Variants in PDGFRB observed in about 807,000 individuals in gnomAD.
The protein encoded by PDGFRB is platelet-derived growth factor receptor beta.
Under a neutral mutation model 120.2 loss-of-function variants are expected in PDGFRB, and 42 were observed. The ratio of observed to expected loss-of-function variants is 0.35; its 90% CI spans 0.27 to 0.45. The LOEUF is 0.45. Among genes scored for constraint, PDGFRB ranks in the 20% least tolerant of loss-of-function variants. PDGFRB has a pLI of 1.00. For synonymous variants in PDGFRB, 586 were observed against 606.8 expected (o/e 0.97, Z 0.50); for missense variants, 1,149 against 1,476.3 (o/e 0.78, Z 3.63).
chr5:150,130,188 C>T lies in PDGFRB; in HGVS notation c.1368-220G>A, dbSNP rs76265567. Among the ~76,000 whole-genome samples the T allele has an allele frequency of 3.0e-4, 46 of 151,472 alleles. No homozygotes were observed. In the East Asian group the frequency reaches 8.3e-3, roughly 27 times the overall value. On this transcript the variant is annotated intron_variant, in intron 9 of 22. Transcript: ENST00000261799. ...GCAAAATCCATTCTTATTTGACCCA[C>T]GGGGTCACACGGCGTATGGGGTAGA...
intron 20 of PDGFRB, among the ~76,000 whole-genome samples, chr5:150,119,257 G>T (rs78511760): frequency 1.3e-5 from 2 of 152,294 alleles, no homozygotes; most frequent in East Asian, 3.9e-4. Flanking sequence ...GGCAATGCTG[G>T]CCTGAAAATG....
At position 150,133,736 on chromosome 5, in the gene PDGFRB, T is replaced by A. The variant is rs202093144; in HGVS notation, c.784A>T (p.Thr262Ser). 10 of 1,613,918 alleles carry A rather than the reference T, an allele frequency of 6.2e-6. No individual in the cohort carries two copies. Among genetic ancestry groups the A allele is most frequent in the African/African-American group, 1.3e-5 (1 of 74,858 alleles). The change falls in exon 6 of 23, where the codon ACT becomes TCT. Residue 262 changes from threonine (T) to serine (S), a missense_variant. Physicochemically the swap from Thr to Ser is moderately conservative, Grantham distance 58. This residue lies in a region of PDGFRB where 879 missense variants were observed against 1,108.6 expected (regional missense o/e 0.79). Transcript: ENST00000261799. Reference sequence around the variant, plus strand: ...TAAGGCATATCCAAGAGGAAGTCAGTCACCGGCTCCACCAGCCGCCCACTC... The same window carrying A: ...TAAGGCATATCCAAGAGGAAGTCAGACACCGGCTCCACCAGCCGCCCACTC... ...KESGRLVEPV[T>S]DFLLDMPYHI...
intron 22 of PDGFRB, among the ~76,000 whole-genome samples, 156 bp downstream of exon 22, chr5:150,117,462 G>C (rs1444964900): frequency 3.9e-5 from 6 of 152,052 alleles, no homozygotes; most frequent in Admixed American, 2.6e-4. Context: ...GTTCCATTCT[G>C]TCTTCTATTC....
At chr5:150,151,861 CAAAA>C (rs57873398) in intron 1 of PDGFRB, among the ~76,000 whole-genome samples, 13 of 74,380 alleles carry the variant, frequency 1.7e-4, no homozygotes, top group African/African-American at 4.9e-4. Context: ...GACTCCATCT[CAAAA>C]AAAAAAAAAA....
chr5:150,152,536 G>T (rs564669723), intron 1 of PDGFRB, among the ~76,000 whole-genome samples: 144 of 152,164 alleles, frequency 9.5e-4, no homozygotes, highest in Admixed American at 2.9e-3. Context: ...TCAAATGCAA[G>T]AAATGGGTGG....
rs2113888986 is a variant in PDGFRB, at chr5:150,120,991, G to A, written c.2483C>T (p.Ala828Val). Residue 828 changes from alanine (A) to valine (V), a missense_variant, in exon 18 of 23, where the codon GCG (alanine) becomes GTG (valine). Physicochemically the swap from Ala to Val is moderately conservative, Grantham distance 64. This residue lies in a region of PDGFRB where 68 missense variants were observed against 153.3 expected (regional missense o/e 0.44). Transcript: ENST00000261799. This position sits in a 1 kb window ranked among gnomAD's most constrained non-coding sequence, Gnocchi z 4.3. ...ASKNCVHRDLAARNVLICEGK... is the reference protein window; with the variant it reads ...ASKNCVHRDLVARNVLICEGK... ...TTCACAGATGAGCACGTTCCTAGCC[G>A]CCAGGTCTCTGTGGACGCACTGGGT... 1 of 1,613,840 alleles carries A rather than the reference G, an allele frequency of 6.2e-7. No homozygotes were observed. The highest frequency in any genetic ancestry group is 8.5e-7 in the Non-Finnish European group (1 of 1,179,746).
chr5:150,146,554 T>A (rs1760927892), intron 1 of PDGFRB, among the ~76,000 whole-genome samples: 1 of 152,128 alleles, frequency 6.6e-6, no homozygotes, highest in African/African-American at 2.4e-5. Context: ...TATTCTTTCT[T>A]TTTTTTAGAG....
chr5:150,154,746 C>G (rs1209469558), intron 1 of PDGFRB, among the ~76,000 whole-genome samples: 1 of 151,804 alleles, frequency 6.6e-6, no homozygotes, highest in Non-Finnish European at 1.5e-5. Context: ...CACAGAGGAG[C>G]CCCCAGATCT....
intron 21 of PDGFRB, 27 bp from the exon 22 acceptor site, chr5:150,117,877 G>A (rs2113884658): frequency 7.2e-7 from 1 of 1,386,378 alleles, no homozygotes; most frequent in Non-Finnish European, 1.0e-6. Context: ...GAGAACCAAA[G>A]AAACAGGGAT....
intron 10 of PDGFRB, among the ~76,000 whole-genome samples, chr5:150,128,712 T>C (rs1182992146): frequency 2.6e-5 from 4 of 152,374 alleles, no homozygotes; most frequent in Middle Eastern, 3.4e-3. Context: ...GTTCCTTTTC[T>C]AGAATACTTT....
intron 20 of PDGFRB, 21 bp from the exon 21 acceptor site, chr5:150,118,873 C>A: frequency 6.7e-7 from 1 of 1,499,274 alleles, no homozygotes; most frequent in South Asian, 1.1e-5. Context: ...GGAGAAGGGT[C>A]AGGGCCTCTG....
At chr5:150,154,043 A>T (rs1165039879) in intron 1 of PDGFRB, 2 of 152,192 alleles carry the variant, frequency 1.3e-5, no homozygotes, top group African/African-American at 4.8e-5. Context: ...GGGCCTGAAC[A>T]ATCTCTGATG....
At chr5:150,134,586 G>T in intron 4 of PDGFRB, 164 bp downstream of exon 4, 1 of 666,942 alleles carries the variant, frequency 1.5e-6, no homozygotes. Flanking sequence ...CTGCGCCTGA[G>T]TTTCCCTCTT....
chr5:150,124,939 T>G, intron 12 of PDGFRB, 108 bp from the exon 13 acceptor site: 1 of 552,472 alleles, frequency 1.8e-6, no homozygotes, highest in Non-Finnish European at 3.1e-6. Context: ...TCACCCTTCC[T>G]GCCCAGTGAG....
At position 150,130,504 on chromosome 5, in the gene PDGFRB, G is replaced by T; in HGVS notation, c.1367+35C>A. On this transcript the variant is annotated intron_variant, in intron 9 of 22. Transcript: ENST00000261799. ...TTCACGAGCTTTTTCTAGCCAGCTG[G>T]GGACACTGGGAGACTGAGGCCCAGG... is the stretch of plus-strand genomic sequence containing the variant. 3.7e-6 allele frequency: 6 copies of T among 1,602,450 alleles called. No individual in the cohort carries two copies. The South Asian group carries it at 6.7e-5, about 18-fold the overall frequency.
rs1465327575 is a variant in PDGFRB at position 150,132,820 on chromosome 5, C to G, written c.1057G>C (p.Asp353His). 16 of 1,612,498 alleles carry G rather than the reference C, an allele frequency of 9.9e-6. 1 individual carries two copies. The highest frequency in any genetic ancestry group is 1.3e-5 in the African/African-American group (1 of 75,068). The stretch of plus-strand genomic sequence containing the variant: ...CTGGAGTCGCCCAGGGTGCGGTTGT[C>G]TTTGAACCACAGGACAGTGGGCGGT... The part of the protein sequence containing the change: ...YPPPTVLWFK[D>H]NRTLGDSSAG... Residue 353 changes from aspartate to histidine, a missense_variant, in exon 7 of 23, where the codon GAC becomes CAC. Coordinates refer to ENST00000261799, the MANE Select transcript of PDGFRB (RefSeq NM_002609.4). This position sits in a 1 kb window ranked among gnomAD's most constrained non-coding sequence, Gnocchi z 5.0.
At position 150,134,755 on chromosome 5, in the gene PDGFRB, A is replaced by T. The variant is rs767523277; in HGVS notation, c.626T>A (p.Leu209His). Residue 209 changes from leucine (L) to histidine (H), a missense_variant, in exon 4 of 23, where the codon CTC (leucine) becomes CAC (histidine). Transcript: ENST00000261799. ...VDSDAYYVYRLQVSSINVSVN... is the reference protein window; with the variant it reads ...VDSDAYYVYRHQVSSINVSVN... ...AGGCCAGAAAGGGGGCTCACCCTGG[A>T]GTCTGTAGACATAGTAGGCATCAGA... 1 of 1,611,114 alleles carries T rather than the reference A, an allele frequency of 6.2e-7. No homozygotes were observed. Among genetic ancestry groups the T allele is most frequent in the Admixed American group, 1.7e-5 (1 of 59,764 alleles).
Position 150,132,558 on chromosome 5 carries a change from T to C in PDGFRB, c.1127+192A>G, listed in dbSNP as rs986041500. 1.3e-5 allele frequency among the ~76,000 whole-genome samples: 2 copies of C among 152,250 alleles called. No individual in the cohort carries two copies. The highest frequency in any genetic ancestry group is 4.8e-5 in the African/African-American group (2 of 41,478). On this transcript the variant is annotated intron_variant, in intron 7 of 22. Coordinates refer to ENST00000261799, the MANE Select transcript of PDGFRB (RefSeq NM_002609.4). This position sits in a 1 kb window ranked among gnomAD's most constrained non-coding sequence, Gnocchi z 5.0. ...TCTGGGTGATCATCTGACCGGCGACTGTTTCCTCCACTAGACTAGAAACTC... is the reference window on the plus strand; with the variant it reads ...TCTGGGTGATCATCTGACCGGCGACCGTTTCCTCCACTAGACTAGAAACTC...
In PDGFRB at chr5:150,120,233, G is replaced by C; in HGVS notation, c.2587-110C>G. ...AGCTCCCACCCACAACCACTTCTCC[G>C]TCCCATTCCCTGTGAGGGCCCTGGT... is the stretch of plus-strand genomic sequence containing the variant. On this transcript the variant is annotated intron_variant, in intron 18 of 22. Transcript: ENST00000261799. The surrounding 1 kb of genome is among the most constrained non-coding windows in gnomAD (Gnocchi z 4.3). 3.0e-6 allele frequency: 2 copies of C among 674,862 alleles called. No homozygotes were observed. The highest frequency in any genetic ancestry group is 3.2e-5 in the South Asian group (2 of 61,958). The allele number at this position is 674,862 out of a possible 1,614,324, so 41.8% of individuals were successfully genotyped here. A position where few individuals can be genotyped will look rare whatever the true frequency, so the allele number is the denominator to read the frequency against.
Sources: gnomAD v4.1 joint callset for allele counts (sites outside exome capture counted in the v4.1 genomes callset) on GRCh38, gnomAD v4.1.1 for gene constraint, gnomAD v4.1.1 regional missense constraint, Gnocchi (gnomAD v3.1) non-coding constraint, MANE v1.5 for transcripts, NCBI Gene and HGNC (gene_info 2026-07-23, HGNC 2026-07-21) for gene names.